DBNL: variants seen among roughly 807,000 people sequenced by gnomAD.
DBNL encodes the protein drebrin-like protein.
DBNL carries 35 observed loss-of-function variants against 62.2 expected under a neutral mutation model. That is an observed-to-expected ratio of 0.56 (90% CI 0.43 to 0.75). The LOEUF (loss-of-function observed/expected upper bound fraction) is 0.75, where lower values mean the gene tolerates loss of function less well. DBNL is among the 30% of genes least tolerant of loss of function. The pLI is 0.00. For missense variants in DBNL, 495 were observed against 578.4 expected, an observed-to-expected ratio of 0.86 and a Z score of 1.48; for synonymous variants, 197 against 218.0, an observed-to-expected ratio of 0.90 and a Z score of 0.85.
At position 44,056,593 on chromosome 7, in the gene DBNL, G is replaced by A. The variant is rs961622368; in HGVS notation, c.328-164G>A. ...CAAGTTGGTTTGTTTGAGCCCTTGA[G>A]GGGAACTCGTGCCTCAGTTTTCAGC... On this transcript the variant is annotated intron_variant, in intron 4 of 12. Transcript: ENST00000448521. 10 of 1,002,836 alleles carry A rather than the reference G, an allele frequency of 1.0e-5. No individual in the cohort carries two copies. The African/African-American group carries it at 1.6e-4, about 16-fold the overall frequency. The allele number at this position is 1,002,836 out of a possible 1,614,324, so 62.1% of individuals were successfully genotyped here.
Position 44,063,153 on chromosome 7 carries a change from A to C in DBNL, c.*2237A>C. ...CAGTGGTGAAAAAAATGGGGACTTCAGCCCCACCCAAGTGGCTGTGATCTG... is the reference window on the plus strand; with the variant it reads ...CAGTGGTGAAAAAAATGGGGACTTCCGCCCCACCCAAGTGGCTGTGATCTG... On this transcript the variant is annotated 3_prime_UTR_variant, in exon 13 of 13. Transcript: ENST00000448521. The C allele has an allele frequency of 1.7e-6, 1 of 585,154 alleles. No homozygotes were observed. 36.2% of individuals were successfully genotyped at this position (585,154 alleles called of 1,614,324 possible).
rs146457753 is a variant in DBNL, at chr7:44,065,309, G to A, written c.*4393G>A. ...CACCACAGGCAGCCACATCTGGTCC[G>A]TGCCGTCCAGGATGGCCCAGAGGGT... On this transcript the variant is annotated 3_prime_UTR_variant, in exon 13 of 13. Transcript: ENST00000448521. The A allele has an allele frequency of 7.3e-5, 118 of 1,613,584 alleles. 1 individual carries two copies. The South Asian group carries it at 1.0e-3, about 14-fold the overall frequency.
chr7:44,058,792 C>A, intron 8 of DBNL, 110 bp from the exon 9 acceptor site: 1 of 1,257,870 alleles, frequency 7.9e-7, no homozygotes, highest in South Asian at 1.3e-5. Flanking sequence ...CCTCCTGGCC[C>A]CACACTCACC....
chr7:44,060,984 G>C lies in DBNL; in HGVS notation c.*68G>C. On this transcript the variant is annotated 3_prime_UTR_variant, in exon 13 of 13. Coordinates refer to ENST00000448521, the MANE Select transcript of DBNL (RefSeq NM_001014436.3). This position sits in a 1 kb window ranked among gnomAD's most constrained non-coding sequence, Gnocchi z 6.3. The stretch of plus-strand genomic sequence containing the variant: ...CCTTATTGCTGGAAGAGGAGGCCTG[G>C]GAGTTGACATTCAGCACTCTTCCAG... 2 of 1,565,790 alleles carry C rather than the reference G, an allele frequency of 1.3e-6. No homozygotes were observed. Among genetic ancestry groups the C allele is most frequent in the Non-Finnish European group, 1.7e-6 (2 of 1,155,540 alleles).
At position 44,066,079 on chromosome 7, in the gene DBNL, T is replaced by A. The variant is rs55905449; in HGVS notation, c.*5163T>A. On this transcript the variant is annotated 3_prime_UTR_variant, in exon 13 of 13. Coordinates refer to ENST00000448521, the MANE Select transcript of DBNL (RefSeq NM_001014436.3). ...GAGAGGAGTCTGGCCTTGTGGAAGG[T>A]ACCAGGCAGCAGCAGCAGAATGGGC... 5,497 of 198,010 alleles carry A rather than the reference T, an allele frequency of 0.028. 98 individuals carry two copies. The highest frequency in any genetic ancestry group is 0.042 in the Admixed American group (789 of 18,926). The allele number at this position is 198,010 out of a possible 1,614,324, so 12.3% of individuals were successfully genotyped here.
rs367760382 is a variant in DBNL at position 44,058,232 on chromosome 7, G to A, written c.656G>A (p.Arg219His). 100 of 1,575,928 alleles carry A rather than the reference G, an allele frequency of 6.3e-5. No homozygotes were observed. In the African/African-American group the frequency reaches 7.1e-4, roughly 11 times the overall value. Reference sequence around the variant, plus strand: ...GAGCGTGAGCTGCGTGAGGCTGCACGCCGGGAGCAGCGCTATCAGGAGCAG... The same window carrying A: ...GAGCGTGAGCTGCGTGAGGCTGCACACCGGGAGCAGCGCTATCAGGAGCAG... ...RRERELREAA[R>H]REQRYQEQGG... Residue 219 changes from arginine (R) to histidine (H), a missense_variant, in exon 7 of 13, where the codon CGC (arginine) becomes CAC (histidine). By Grantham distance (29) the Arg-to-His change is conservative (BLOSUM62 0). Coordinates refer to ENST00000448521, the MANE Select transcript of DBNL (RefSeq NM_001014436.3).
intron 8 of DBNL, 150 bp from the exon 9 acceptor site, chr7:44,058,752 A>G: frequency 1.1e-6 from 1 of 913,268 alleles, no homozygotes; most frequent in South Asian, 1.7e-5. Context: ...TTTTATTTTT[A>G]AATGACTTCT....
rs891297026 is a variant in DBNL at position 44,058,374 on chromosome 7, G to A, written c.705-58G>A. ...ATGGAGGCGAGGAGGACTAAGGGGTGTGGCATGAGAAGCTGTGACTGTGCC... is the reference window on the plus strand; with the variant it reads ...ATGGAGGCGAGGAGGACTAAGGGGTATGGCATGAGAAGCTGTGACTGTGCC... On this transcript the variant is annotated intron_variant, in intron 7 of 12. Transcript: ENST00000448521. 1.2e-5 allele frequency: 19 copies of A among 1,613,274 alleles called. No individual in the cohort carries two copies. In the East Asian group the frequency reaches 2.9e-4, roughly 25 times the overall value.
In DBNL at chr7:44,060,638, G is replaced by T; in HGVS notation, c.1154-139G>T. The T allele has an allele frequency of 7.8e-7, 1 of 1,275,066 alleles. No individual in the cohort carries two copies. Among genetic ancestry groups the T allele is most frequent in the Non-Finnish European group, 1.1e-6 (1 of 932,592 alleles). The allele number at this position is 1,275,066 out of a possible 1,614,324, so 79.0% of individuals were successfully genotyped here. A position where few individuals can be genotyped will look rare whatever the true frequency, so the allele number is the denominator to read the frequency against. The stretch of plus-strand genomic sequence containing the variant: ...TGCAGTGTTGGCCAAGGCTTAGCAG[G>T]GTGGCAGGGATATTTCTGAGGAGGA... On this transcript the variant is annotated intron_variant, in intron 12 of 12. Transcript: ENST00000448521. The surrounding 1 kb of genome is among the most constrained non-coding windows in gnomAD (Gnocchi z 6.3).
At position 44,060,777 on chromosome 7, in the gene DBNL, C is replaced by T. The variant is rs1369776560; in HGVS notation, c.1154C>T (p.Ala385Val). 6.2e-7 allele frequency: 1 copy of T among 1,613,464 alleles called. No homozygotes were observed. Among genetic ancestry groups the T allele is most frequent in the African/African-American group, 1.3e-5 (1 of 75,014 alleles). Residue 385 changes from alanine (A) to valine (V), a missense_variant and splice_region_variant, in exon 13 of 13, where the codon GCC becomes GTC. By Grantham distance (64) the Ala-to-Val change is moderately conservative. Transcript: ENST00000448521. This position sits in a 1 kb window ranked among gnomAD's most constrained non-coding sequence, Gnocchi z 6.3. The stretch of plus-strand genomic sequence containing the variant: ...GCATCTGGGCTCATCCTCTTTGCAG[C>T]CGACGACACAGAGATCTCCTTTGAC... ...CARALYDYQA[A>V]DDTEISFDPE...
chr7:44,060,904 G>A lies in DBNL; in HGVS notation c.1281G>A (p.Glu427=). The A allele has an allele frequency of 1.2e-6, 2 of 1,614,006 alleles. No individual in the cohort carries two copies. The highest frequency in any genetic ancestry group is 1.7e-6 in the Non-Finnish European group (2 of 1,179,958). ...GCATGTTCCCTGCCAACTACGTGGA[G>A]CTCATTGAGTGAGGCTGAGGGCACA... The part of the protein sequence containing the change: ...HFGMFPANYV[E]LIE Residue 427 remains glutamate, a synonymous_variant, in exon 13 of 13, where the codon GAG becomes GAA. Coordinates refer to ENST00000448521, the MANE Select transcript of DBNL (RefSeq NM_001014436.3). The surrounding 1 kb of genome is among the most constrained non-coding windows in gnomAD (Gnocchi z 6.3).
intron 1 of DBNL, 45 bp downstream of exon 1, chr7:44,044,865 G>T (rs2128787623): frequency 1.4e-6 from 2 of 1,394,908 alleles, no homozygotes; most frequent in Non-Finnish European, 1.9e-6. Flanking sequence ...GCTGCCTCAG[G>T]GGTGGGTCTG....
chr7:44,058,945 G>C lies in DBNL; in HGVS notation c.797G>C (p.Arg266Thr). 1 of 1,613,926 alleles carries C rather than the reference G, an allele frequency of 6.2e-7. No individual in the cohort carries two copies. Among genetic ancestry groups the C allele is most frequent in the East Asian group, 2.2e-5 (1 of 44,808 alleles). Reference protein sequence around the residue: ...HPREIFKQKERAMSTTSISSP... With the variant: ...HPREIFKQKETAMSTTSISSP... The stretch of plus-strand genomic sequence containing the variant: ...AGGGAGATTTTCAAGCAGAAGGAGA[G>C]GGCCATGTCCACCACCTCCATCTCC... The change falls in exon 9 of 13, where the codon AGG becomes ACG. Residue 266 changes from arginine to threonine, a missense_variant. Physicochemically the swap from Arg to Thr is moderately conservative, Grantham distance 71. Transcript: ENST00000448521.
chr7:44,061,286 T>C lies in DBNL; in HGVS notation c.*370T>C, dbSNP rs2096148587. On this transcript the variant is annotated 3_prime_UTR_variant, in exon 13 of 13. Transcript: ENST00000448521. Reference sequence around the variant, plus strand: ...GCCTTCTGCATTTATTTGCCTTTTTTCTTTTTCTCTTGCTTCTAAGGGGTG... The same window carrying C: ...GCCTTCTGCATTTATTTGCCTTTTTCCTTTTTCTCTTGCTTCTAAGGGGTG... 1 of 225,854 alleles carries C rather than the reference T, an allele frequency of 4.4e-6. No individual in the cohort carries two copies. The highest frequency in any genetic ancestry group is 5.2e-5 in the Admixed American group (1 of 19,392). 14.0% of individuals were successfully genotyped at this position (225,854 alleles called of 1,614,324 possible). A position where few individuals can be genotyped will look rare whatever the true frequency, so the allele number is the denominator to read the frequency against.
At chr7:44,051,769 G>C (rs2096127003) in intron 2 of DBNL, 61 bp from the exon 3 acceptor site, 1 of 1,538,816 alleles carries the variant, frequency 6.5e-7, no homozygotes, top group Non-Finnish European at 9.0e-7. Context: ...CTTCATGGTG[G>C]GACCAGGGCC....
Position 44,061,221 on chromosome 7 carries a change from G to T in DBNL, c.*305G>T, listed in dbSNP as rs1329817673. The T allele has an allele frequency of 4.9e-6, 2 of 405,830 alleles. No individual in the cohort carries two copies. The highest frequency in any genetic ancestry group is 9.0e-6 in the Non-Finnish European group (2 of 222,182). The allele number at this position is 405,830 out of a possible 1,614,324, so 25.1% of individuals were successfully genotyped here. ...CCTGAGTGGCCACTGCCAAGCTGCG[G>T]GGAAGGGTCCTGAGCAGGGGCATCT... On this transcript the variant is annotated 3_prime_UTR_variant, in exon 13 of 13. Coordinates refer to ENST00000448521, the MANE Select transcript of DBNL (RefSeq NM_001014436.3).
intron 4 of DBNL, among the ~76,000 whole-genome samples, 191 bp from the exon 5 acceptor site, chr7:44,056,566 T>C (rs572290036): frequency 6.6e-6 from 1 of 152,308 alleles, no homozygotes; most frequent in East Asian, 1.9e-4. Context: ...AGGGGTTTGC[T>C]CCAAGTTGGT....
rs561905564 is a variant in DBNL at position 44,061,439 on chromosome 7, C to G, written c.*523C>G. 6.3e-6 allele frequency: 1 copy of G among 158,174 alleles called. No individual in the cohort carries two copies. Among genetic ancestry groups the G allele is most frequent in the African/African-American group, 2.4e-5 (1 of 41,512 alleles). 9.8% of individuals were successfully genotyped at this position (158,174 alleles called of 1,614,324 possible). ...AGCAGGGAATTTGTCTTGTTGGAGC[C>G]TGCTCTGTGCTCCCCACTCCATTTC... is the stretch of plus-strand genomic sequence containing the variant. On this transcript the variant is annotated 3_prime_UTR_variant, in exon 13 of 13. Transcript: ENST00000448521.
Position 44,063,087 on chromosome 7 carries a change from A to G in DBNL, c.*2171A>G. On this transcript the variant is annotated 3_prime_UTR_variant, in exon 13 of 13. Coordinates refer to ENST00000448521, the MANE Select transcript of DBNL (RefSeq NM_001014436.3). The stretch of plus-strand genomic sequence containing the variant: ...GCCACAGAAATGTTGCCAAAGGTCA[A>G]GGAGTAACTGAGTTAGACCAAGCAG... The G allele has an allele frequency of 1.3e-6, 1 of 784,406 alleles. No individual in the cohort carries two copies. The highest frequency in any genetic ancestry group is 2.2e-6 in the Non-Finnish European group (1 of 459,798). The allele number at this position is 784,406 out of a possible 1,614,324, so 48.6% of individuals were successfully genotyped here. A position where few individuals can be genotyped will look rare whatever the true frequency, so the allele number is the denominator to read the frequency against.
Sources: allele counts gnomAD v4.1 joint callset (sites outside exome capture counted in the v4.1 genomes callset), GRCh38; gene constraint gnomAD v4.1.1; non-coding constraint Gnocchi (gnomAD v3.1); transcripts MANE v1.5; gene names NCBI Gene and HGNC (gene_info 2026-07-23, HGNC 2026-07-21).